PHKA2: variants seen among roughly 807,000 people sequenced by gnomAD.
PHKA2 encodes phosphorylase b kinase regulatory subunit alpha, liver isoform.
PHKA2 carries 31 observed loss-of-function variants against 102.0 expected under a neutral mutation model. That is an observed-to-expected ratio of 0.30 (90% CI 0.23 to 0.41). The LOEUF is 0.41. Among genes scored for constraint, PHKA2 ranks in the 10% least tolerant of loss-of-function variants. PHKA2 has a pLI of 1.00. For missense variants in PHKA2, 858 were observed against 1,023.1 expected (o/e 0.84, Z 2.20); for synonymous variants, 455 against 416.2 (o/e 1.09, Z -1.13).
chrX:18,895,121 C>T lies in PHKA2; in HGVS notation c.3336+17G>A, dbSNP rs199840021. ...GAACCCACAGAGGGGCCCGCCTCTG[C>T]GTTTTTCTCATCGTACCTCTCGGGT... On this transcript the variant is annotated intron_variant, in intron 31 of 32. Transcript: ENST00000379942. 254 of 1,204,240 alleles carry T rather than the reference C, an allele frequency of 2.1e-4. 1 individual carries two copies. The African/African-American group carries it at 3.1e-3, about 15-fold the overall frequency.
chrX:18,971,394 T>C (rs1408556705), intron 1 of PHKA2, among the ~76,000 whole-genome samples: 1 of 112,403 alleles, frequency 8.9e-6, no homozygotes, highest in Admixed American at 9.5e-5. Context: ...TATGATACTA[T>C]TATAGAAATA....
intron 18 of PHKA2, among the ~76,000 whole-genome samples, chrX:18,919,252 AG>A (rs1012441993): frequency 6.3e-5 from 7 of 111,854 alleles, no homozygotes; most frequent in Admixed American, 3.8e-4. Context: ...ACTATCTAAA[AG>A]TGAAAAACAG....
At chrX:18,898,975 G>A (rs1294026795) in intron 29 of PHKA2, among the ~76,000 whole-genome samples, 198 bp downstream of exon 29, 1 of 112,308 alleles carries the variant, frequency 8.9e-6, no homozygotes, top group African/African-American at 3.2e-5. Flanking sequence ...AGCTTAAGAC[G>A]GAGAACAAAG....
intron 12 of PHKA2, 74 bp downstream of exon 12, chrX:18,931,567 T>TCC (rs1266074995): frequency 8.5e-6 from 6 of 707,462 alleles, no homozygotes; most frequent in Non-Finnish European, 1.4e-5. Context: ...TGGCAGAGAG[T>TCC]CCCTATGCCC....
At chrX:18,961,825 G>A (rs934891327) in intron 1 of PHKA2, among the ~76,000 whole-genome samples, 3 of 109,910 alleles carry the variant, frequency 2.7e-5, no homozygotes, top group Non-Finnish European at 5.7e-5. Flanking sequence ...GTAGAAAAGT[G>A]GACAAAACCG....
At chrX:18,906,917 T>C in intron 23 of PHKA2, 101 bp downstream of exon 23, 1 of 1,005,569 alleles carries the variant, frequency 9.9e-7, no homozygotes, top group Non-Finnish European at 1.4e-6. Flanking sequence ...CGCATCCATG[T>C]GACAGAGTGT....
chrX:18,926,616 A>AG (rs1398095745), intron 13 of PHKA2, 29 bp from the exon 14 acceptor site: 7 of 1,191,148 alleles, frequency 5.9e-6, no homozygotes, highest in Non-Finnish European at 8.0e-6. Flanking sequence ...AATGAGCGTT[A>AG]GCTCATGACT....
chrX:18,907,075 T>C lies in PHKA2; in HGVS notation c.2540A>G (p.His847Arg), dbSNP rs2047833497. ...CAGGCCCACGGTGAGCTGCTTCTGG[T>C]GCGAAAGCAGGTCTGTGCAGGCCTG... ...LAEACTDLLS[H>R]QKQLTVGLPP... Residue 847 changes from histidine to arginine, a missense_variant, in exon 23 of 33, where the codon CAC becomes CGC. Coordinates refer to ENST00000379942, the MANE Select transcript of PHKA2 (RefSeq NM_000292.3). 21 of 1,188,657 alleles carry C rather than the reference T, an allele frequency of 1.8e-5. No homozygotes were observed. Among genetic ancestry groups the C allele is most frequent in the Non-Finnish European group, 2.4e-5 (21 of 883,941 alleles).
At chrX:18,911,234 C>T (rs1378044077) in intron 19 of PHKA2, among the ~76,000 whole-genome samples, 1 of 101,817 alleles carries the variant, frequency 9.8e-6, no homozygotes, top group South Asian at 4.7e-4. Flanking sequence ...AGTGCGATGG[C>T]GAGATCTTGG....
intron 17 of PHKA2, among the ~76,000 whole-genome samples, chrX:18,921,088 C>A (rs765273389): frequency 1.3e-4 from 14 of 111,133 alleles, no homozygotes; most frequent in South Asian, 3.8e-4. Flanking sequence ...GAGCACCCCC[C>A]CCAAGTGGAT....
chrX:18,942,797 A>G (rs1313177393), intron 7 of PHKA2, among the ~76,000 whole-genome samples: 1 of 107,429 alleles, frequency 9.3e-6, no homozygotes, highest in Non-Finnish European at 1.9e-5. Context: ...ACAGGGAGCT[A>G]TGATTGCACC....
intron 26 of PHKA2, among the ~76,000 whole-genome samples, chrX:18,903,950 A>G (rs1311847730): frequency 9.1e-6 from 1 of 110,013 alleles, no homozygotes; most frequent in African/African-American, 3.3e-5. Flanking sequence ...CCTCCCCTCA[A>G]CTCCCGGCCA....
At chrX:18,908,559 C>T (rs1218165760) in intron 21 of PHKA2, among the ~76,000 whole-genome samples, 1 of 111,901 alleles carries the variant, frequency 8.9e-6, no homozygotes, top group Non-Finnish European at 1.9e-5. Flanking sequence ...GGGCAGAGCC[C>T]TCCTGAAGGA....
chrX:18,924,417 G>A lies in PHKA2; in HGVS notation c.1678C>T (p.Pro560Ser). 3 of 1,210,660 alleles carry A rather than the reference G, an allele frequency of 2.5e-6. No homozygotes were observed. The East Asian group carries it at 8.9e-5, about 36-fold the overall frequency. ...CGACTGATGGGGAAGGTGAGTGTGG[G>A]TCTGCCCGTCATCCTCCAGCAGGTG... is the stretch of plus-strand genomic sequence containing the variant. ...LCTCWRMTGR[P>S]TLTFPISRTM... The change falls in exon 16 of 33, where the codon CCC becomes TCC. Residue 560 changes from proline to serine, a missense_variant. Coordinates refer to ENST00000379942, the MANE Select transcript of PHKA2 (RefSeq NM_000292.3).
chrX:18,895,733 T>C (rs753857042), intron 30 of PHKA2: 1 of 123,322 alleles, frequency 8.1e-6, no homozygotes, highest in Non-Finnish European at 1.7e-5. Flanking sequence ...ATTGCGCCAG[T>C]GAGTCCGAGC....
intron 21 of PHKA2, among the ~76,000 whole-genome samples, chrX:18,908,274 G>A (rs1282479367): frequency 8.9e-6 from 1 of 112,401 alleles, no homozygotes; most frequent in Non-Finnish European, 1.9e-5. Flanking sequence ...TTCTCATGCT[G>A]GGGGACCAGC....
chrX:18,950,188 C>T (rs1219359894), intron 4 of PHKA2, among the ~76,000 whole-genome samples: 3 of 111,749 alleles, frequency 2.7e-5, no homozygotes, highest in Non-Finnish European at 5.7e-5. Flanking sequence ...CTACTCAGCC[C>T]GCTGAGTAGC....
intron 32 of PHKA2, 67 bp from the exon 33 acceptor site, chrX:18,893,722 T>C (rs1339909779): frequency 3.8e-6 from 4 of 1,041,489 alleles, no homozygotes; most frequent in Non-Finnish European, 5.4e-6. Context: ...TTCTGCGTGG[T>C]GGTGGCAGCG....
intron 31 of PHKA2, 169 bp downstream of exon 31, chrX:18,894,969 A>G (rs1222592622): frequency 3.8e-6 from 2 of 532,986 alleles, no homozygotes; most frequent in Non-Finnish European, 6.8e-6. Context: ...TAAATGCTGG[A>G]AAGACATTTT....
Sources: allele counts gnomAD v4.1 joint callset (sites outside exome capture counted in the v4.1 genomes callset), GRCh38; gene constraint gnomAD v4.1.1; transcripts MANE v1.5; gene names NCBI Gene and HGNC (gene_info 2026-07-23, HGNC 2026-07-21).